DLG2: variants seen among roughly 807,000 people sequenced by gnomAD.
The protein encoded by DLG2 is discs large MAGUK scaffold protein 2, also known as disks large homolog 2.
In DLG2, 45 loss-of-function variants were observed where a neutral mutation model predicts 132.5. The ratio of observed to expected loss-of-function variants is 0.34; its 90% CI spans 0.27 to 0.44. The LOEUF (loss-of-function observed/expected upper bound fraction) is 0.44. Ranked by LOEUF, DLG2 falls within the 20% of genes least tolerant of loss-of-function variation. The probability of loss-of-function intolerance (pLI) is 1.00; values close to 1 mark genes in which losing one functional copy is unlikely to be tolerated. For missense variants in DLG2, 1,045 were observed against 1,196.9 expected, an observed-to-expected ratio of 0.87 and a Z score of 1.87; for synonymous variants, 424 against 419.6, an observed-to-expected ratio of 1.01 and a Z score of -0.13.
At chr11:84,484,812 C>G (rs2099146788) in intron 7 of DLG2, among the ~76,000 whole-genome samples, 1 of 152,118 alleles carries the variant, frequency 6.6e-6, no homozygotes, top group Non-Finnish European at 1.5e-5. Flanking sequence ...CACATCTAAC[C>G]CATGTCCACA....
intron 7 of DLG2, among the ~76,000 whole-genome samples, chr11:84,308,494 G>A (rs543940634): frequency 6.6e-6 from 1 of 152,346 alleles, no homozygotes; most frequent in South Asian, 2.1e-4. Flanking sequence ...TTCACCCAGT[G>A]GATCCCGCAC....
At chr11:84,180,365 A>T (rs1240828281) in intron 8 of DLG2, among the ~76,000 whole-genome samples, 2 of 152,148 alleles carry the variant, frequency 1.3e-5, no homozygotes, top group Non-Finnish European at 2.9e-5. Context: ...ACCAATAGAG[A>T]ACATTTAAGA....
intron 15 of DLG2, among the ~76,000 whole-genome samples, chr11:83,905,087 G>A (rs142450428): frequency 3.5e-4 from 53 of 152,188 alleles, no homozygotes; most frequent in African/African-American, 1.2e-3. Context: ...AAAATTGCTA[G>A]TAATAATAAT....
At position 84,603,911 on chromosome 11, in the gene DLG2, G is replaced by A. The variant is rs567539205; in HGVS notation, c.358-69180C>T. Among the ~76,000 whole-genome samples the A allele has an allele frequency of 6.6e-5, 10 of 151,976 alleles. No homozygotes were observed. The South Asian group carries it at 2.1e-3, about 32-fold the overall frequency. On this transcript the variant is annotated intron_variant, in intron 6 of 27. Coordinates refer to ENST00000376104, the MANE Select transcript of DLG2 (RefSeq NM_001142699.3). ...AAACAAATATTCAATAATACACAAT[G>A]ATTAGTTTTTGACATGGAAAAATGG... is the stretch of plus-strand genomic sequence containing the variant.
intron 22 of DLG2, among the ~76,000 whole-genome samples, chr11:83,475,822 G>T (rs2092564715): frequency 6.7e-6 from 1 of 150,274 alleles, no homozygotes; most frequent in Non-Finnish European, 1.5e-5. Context: ...TCTATTTTCT[G>T]CTCAGGAGGG....
chr11:83,930,042 C>A (rs2079847035), intron 15 of DLG2, among the ~76,000 whole-genome samples: 1 of 152,160 alleles, frequency 6.6e-6, no homozygotes, highest in Non-Finnish European at 1.5e-5. Context: ...ATTAATTCTT[C>A]TGGAAAAATA....
At chr11:84,448,192 T>C (rs144071937) in intron 7 of DLG2, among the ~76,000 whole-genome samples, 50 of 152,178 alleles carry the variant, frequency 3.3e-4, no homozygotes, top group African/African-American at 1.2e-3. Context: ...TTAAGTAAAA[T>C]TCAGTTAGCC....
chr11:85,480,535 T>C (rs1413427161), intron 3 of DLG2, among the ~76,000 whole-genome samples: 2 of 152,158 alleles, frequency 1.3e-5, no homozygotes, highest in African/African-American at 4.8e-5. Context: ...CAACTTAAAA[T>C]ATGCAAAATA....
intron 3 of DLG2, among the ~76,000 whole-genome samples, chr11:85,295,691 G>A (rs77690986): frequency 6.6e-5 from 10 of 152,046 alleles, no homozygotes; most frequent in African/African-American, 1.7e-4. Context: ...ATTGTCAAAC[G>A]CATGACTAGA....
chr11:84,974,048 G>C (rs1368799720), intron 6 of DLG2, among the ~76,000 whole-genome samples: 2 of 152,138 alleles, frequency 1.3e-5, no homozygotes, highest in African/African-American at 2.4e-5. Flanking sequence ...CATTAAACTA[G>C]AGAAATTATA....
intron 7 of DLG2, among the ~76,000 whole-genome samples, chr11:84,272,972 T>C (rs2097747170): frequency 1.3e-5 from 2 of 152,082 alleles, no homozygotes; most frequent in Non-Finnish European, 2.9e-5. Context: ...CTTGGACATA[T>C]TAAGAATTAG....
At chr11:84,759,848 T>C (rs920539082) in intron 6 of DLG2, among the ~76,000 whole-genome samples, 16 of 152,088 alleles carry the variant, frequency 1.1e-4, no homozygotes, top group African/African-American at 3.4e-4. Flanking sequence ...AATTTATACA[T>C]AGGGATCCTG....
At chr11:84,382,873 A>C (rs577960952) in intron 7 of DLG2, among the ~76,000 whole-genome samples, 8 of 147,774 alleles carry the variant, frequency 5.4e-5, no homozygotes, top group South Asian at 2.2e-4. Flanking sequence ...CTCCGTCACA[A>C]AAAAAAAAAA....
intron 19 of DLG2, among the ~76,000 whole-genome samples, chr11:83,618,432 C>G (rs1317541071): frequency 6.6e-6 from 1 of 152,088 alleles, no homozygotes; most frequent in Non-Finnish European, 1.5e-5. Flanking sequence ...TAGGAAGTAC[C>G]CTCTCTTTTC....
At chr11:84,608,982 G>T (rs2099590581) in intron 6 of DLG2, among the ~76,000 whole-genome samples, 1 of 152,148 alleles carries the variant, frequency 6.6e-6, no homozygotes, top group Non-Finnish European at 1.5e-5. Context: ...TTAGTAAGTG[G>T]CAGAACCTGA....
chr11:84,679,647 A>G (rs1305055590), intron 6 of DLG2, among the ~76,000 whole-genome samples: 1 of 152,134 alleles, frequency 6.6e-6, no homozygotes, highest in Admixed American at 6.6e-5. Flanking sequence ...ATTTATTGAG[A>G]GTTTACTATA....
intron 21 of DLG2, chr11:83,486,264 GAA>G (rs141813606): frequency 4.4e-6 from 3 of 682,378 alleles, no homozygotes; most frequent in South Asian, 1.6e-5. Context: ...GAAAATAAAA[GAA>G]AAAAAATCAT....
rs1453777788 is a variant in DLG2 at position 83,777,890 on chromosome 11, A to T, written c.1825+8800T>A. On this transcript the variant is annotated intron_variant, in intron 18 of 27. Transcript: ENST00000376104. ...CACAATAAACTAAACTTCATAGAAC[A>T]TCAGCTGGAAAGGGCCTTAAAACTA... Among the ~76,000 whole-genome samples, 3 of 152,234 alleles carry T rather than the reference A, an allele frequency of 2.0e-5. No individual in the cohort carries two copies. The East Asian group carries it at 5.8e-4, about 29-fold the overall frequency.
chr11:84,670,993 A>C (rs1323120403), intron 6 of DLG2, among the ~76,000 whole-genome samples: 3 of 152,200 alleles, frequency 2.0e-5, no homozygotes, highest in East Asian at 3.9e-4. Context: ...AGCAGCAAGT[A>C]TTTAAAAACA....
Sources: allele counts gnomAD v4.1 joint callset (sites outside exome capture counted in the v4.1 genomes callset), GRCh38; gene constraint gnomAD v4.1.1; transcripts MANE v1.5; gene names NCBI Gene and HGNC (gene_info 2026-07-23, HGNC 2026-07-21).